The following GYG2 variants were observed in gnomAD, a reference collection of about 807,000 sequenced individuals.
GYG2 encodes the protein glycogenin-2.
In GYG2, 29 loss-of-function variants were observed where a neutral mutation model predicts 29.4. That is an observed-to-expected ratio of 0.99 (90% CI 0.74 to 1.35). The LOEUF (loss-of-function observed/expected upper bound fraction) is 1.35. GYG2 is among the 40% of genes most tolerant of loss of function. The pLI, the probability that GYG2 is intolerant of heterozygous loss-of-function variation, is 0.00. For missense variants in GYG2, 370 were observed against 385.7 expected, an observed-to-expected ratio of 0.96 and a Z score of 0.34; for synonymous variants, 167 against 172.3, an observed-to-expected ratio of 0.97 and a Z score of 0.24.
intron 3 of GYG2, among the ~76,000 whole-genome samples, chrX:2,851,819 A>G (rs1381107184): frequency 1.8e-5 from 2 of 112,284 alleles, no homozygotes; most frequent in Admixed American, 1.9e-4. Flanking sequence ...TCTAAAAATC[A>G]GTGAGTCTTG....
chrX:2,845,839 A>T (rs1307181040), intron 3 of GYG2, among the ~76,000 whole-genome samples: 2 of 101,839 alleles, frequency 2.0e-5, no homozygotes, highest in Non-Finnish European at 4.0e-5. Context: ...ATACATATAA[A>T]ATATATATAT....
intron 2 of GYG2, 123 bp downstream of exon 2, chrX:2,830,318 C>T: frequency 1.6e-6 from 1 of 614,641 alleles, no homozygotes. Context: ...GAGTCTCCCC[C>T]TTACTGCCTC....
In GYG2 at chrX:2,856,508, A is replaced by C; in HGVS notation, c.498A>C (p.Gln166His). 8.3e-7 allele frequency: 1 copy of C among 1,209,509 alleles called. No homozygotes were observed. Among genetic ancestry groups the C allele is most frequent in the East Asian group, 3.0e-5 (1 of 33,782 alleles). Residue 166 changes from glutamine to histidine, a missense_variant, in exon 6 of 11, where the codon CAA (glutamine) becomes CAC (histidine). Transcript: ENST00000398806. ...MEHGSFDGAD[Q>H]GLLNSFFRNW... ...TTGCTCATTATGTAGGGGCAGACCA[A>C]GGCTTACTGAATAGTTTCTTCAGGA...
At chrX:2,842,272 G>T (rs2087519933) in intron 2 of GYG2, among the ~76,000 whole-genome samples, 1 of 109,020 alleles carries the variant, frequency 9.2e-6, no homozygotes, top group Non-Finnish European at 1.9e-5. Flanking sequence ...ATGGCTCTTT[G>T]CAGCCTTGAC....
At chrX:2,871,359 T>C (rs1289902570) in intron 8 of GYG2, among the ~76,000 whole-genome samples, 1 of 102,402 alleles carries the variant, frequency 9.8e-6, no homozygotes, top group Admixed American at 1.2e-4. Flanking sequence ...CTTAATTTTG[T>C]GCTGCCTTAG....
At chrX:2,864,287 T>C (rs1202419062) in intron 8 of GYG2, among the ~76,000 whole-genome samples, 1 of 111,690 alleles carries the variant, frequency 9.0e-6, no homozygotes, top group Non-Finnish European at 1.9e-5. Flanking sequence ...GAGGTATCAA[T>C]ATGCGTAAGA....
intron 8 of GYG2, among the ~76,000 whole-genome samples, chrX:2,862,168 A>G (rs1220337316): frequency 2.7e-5 from 3 of 110,980 alleles, no homozygotes; most frequent in Non-Finnish European, 5.7e-5. Flanking sequence ...CTGGCTTTGA[A>G]GATGGAAGAG....
At chrX:2,876,033 C>CTTTTTTTTTT (rs59937896) in intron 9 of GYG2, 119 bp downstream of exon 9, 1 of 138,042 alleles carries the variant, frequency 7.2e-6, no homozygotes, top group Non-Finnish European at 1.2e-5. Context: ...AAATTCCTCC[C>CTTTTTTTTTT]TTTTTTTTTT....
Position 2,877,714 on chromosome X carries a change from A to G in GYG2, c.1251+407A>G, listed in dbSNP as rs769215838. 266 of 751,390 alleles carry G rather than the reference A, an allele frequency of 3.5e-4. No individual in the cohort carries two copies. The African/African-American group carries it at 6.0e-3, about 17-fold the overall frequency. The allele number at this position is 751,390 out of a possible 1,213,427, so 61.9% of individuals were successfully genotyped here. A position where few individuals can be genotyped will look rare whatever the true frequency, so the allele number is the denominator to read the frequency against. ...GGGCATGCAAATAATTTCTTCTTTC[A>G]GGATGAAATGAGAGATGCATGCTTT... is the stretch of plus-strand genomic sequence containing the variant. On this transcript the variant is annotated intron_variant, in intron 10 of 10. Transcript: ENST00000398806.
At chrX:2,878,068 G>C in intron 10 of GYG2, 2 of 744,605 alleles carry the variant, frequency 2.7e-6, no homozygotes, top group Non-Finnish European at 3.2e-6. Context: ...TTCTAGAGCT[G>C]TTGGTTGAGG....
intron 10 of GYG2, among the ~76,000 whole-genome samples, chrX:2,879,207 A>C (rs949829075): frequency 1.3e-4 from 12 of 90,469 alleles, no homozygotes; most frequent in Non-Finnish European, 2.5e-4. Context: ...ACTCAAATTT[A>C]TCTTTCTATA....
intron 3 of GYG2, among the ~76,000 whole-genome samples, chrX:2,849,448 A>G (rs936509509): frequency 3.6e-5 from 4 of 111,987 alleles, no homozygotes; most frequent in Non-Finnish European, 7.5e-5. Flanking sequence ...AGAAAGAAAA[A>G]GAAAGAAAGA....
chrX:2,862,186 C>T (rs780460616), intron 8 of GYG2, among the ~76,000 whole-genome samples: 24 of 110,738 alleles, frequency 2.2e-4, no homozygotes, highest in Non-Finnish European at 3.6e-4. Flanking sequence ...GAGGAGGCCA[C>T]GAGCGAGGGA....
At position 2,857,490 on chromosome X, in the gene GYG2, A is replaced by G. The variant is rs1203427244; in HGVS notation, c.614+866A>G. Among the ~76,000 whole-genome samples the G allele has an allele frequency of 2.7e-5, 3 of 110,577 alleles. No homozygotes were observed. In the East Asian group the frequency reaches 8.6e-4, roughly 32 times the overall value. ...TATATCTGTATATCTATCTAGATCT[A>G]TCTAGATATCTATGTATATACATGG... On this transcript the variant is annotated intron_variant, in intron 6 of 10. Coordinates refer to ENST00000398806, the MANE Select transcript of GYG2 (RefSeq NM_001079855.2).
intron 8 of GYG2, among the ~76,000 whole-genome samples, chrX:2,873,146 A>G (rs760842391): frequency 1.8e-5 from 2 of 111,754 alleles, no homozygotes; most frequent in South Asian, 7.6e-4. Flanking sequence ...AAAAGGAATC[A>G]GGGCTGAGAA....
intron 8 of GYG2, among the ~76,000 whole-genome samples, chrX:2,866,788 T>C (rs894854201): frequency 9.3e-6 from 1 of 107,945 alleles, no homozygotes; most frequent in Non-Finnish European, 1.9e-5. Flanking sequence ...ACCCCATGAA[T>C]ATGTACAATT....
chrX:2,862,246 A>G (rs1191317506), intron 8 of GYG2, among the ~76,000 whole-genome samples: 1 of 111,258 alleles, frequency 9.0e-6, no homozygotes, highest in Non-Finnish European at 1.9e-5. Context: ...ATTCTCCCCT[A>G]GGTCCCCAAG....
At position 2,843,240 on chromosome X, in the gene GYG2, C is replaced by T. The variant is rs1201886504; in HGVS notation, c.35C>T (p.Ala12Val). 1.8e-5 allele frequency: 22 copies of T among 1,201,131 alleles called. No homozygotes were observed. Among genetic ancestry groups the T allele is most frequent in the Non-Finnish European group, 2.5e-5 (22 of 887,331 alleles). ...SVTDQAFVTL[A>V]TNDIYCQGAL... The stretch of plus-strand genomic sequence containing the variant: ...ACTGATCAGGCTTTTGTCACACTAG[C>T]CACCAATGACATCTACTGCCAGGGC... Residue 12 changes from alanine to valine, a missense_variant, in exon 3 of 11, where the codon GCC (alanine) becomes GTC (valine). Physicochemically the swap from Ala to Val is moderately conservative, Grantham distance 64. Transcript: ENST00000398806.
chrX:2,844,885 T>C (rs1238213755), intron 3 of GYG2, among the ~76,000 whole-genome samples: 2 of 107,571 alleles, frequency 1.9e-5, no homozygotes, highest in Non-Finnish European at 3.9e-5. Context: ...TATACACATG[T>C]ATGTGTTTAT....
Sources: allele counts gnomAD v4.1 joint callset (sites outside exome capture counted in the v4.1 genomes callset), GRCh38; gene constraint gnomAD v4.1.1; transcripts MANE v1.5; gene names NCBI Gene and HGNC (gene_info 2026-07-23, HGNC 2026-07-21).